The following ERAP1 variants were observed in gnomAD, a reference collection of about 807,000 sequenced individuals.
ERAP1 encodes the protein adipocyte-derived leucine aminopeptidase.
In ERAP1, 86 loss-of-function variants were observed where a neutral mutation model predicts 103.7. The ratio of observed to expected loss-of-function variants is 0.83; its 90% CI spans 0.70 to 0.99. ERAP1 has a LOEUF of 0.99. Ranked by LOEUF, ERAP1 falls within the 50% of genes least tolerant of loss-of-function variation. The probability of loss-of-function intolerance (pLI) is 0.00; values close to 1 mark genes in which losing one functional copy is unlikely to be tolerated. For missense variants in ERAP1, 1,009 were observed against 1,128.4 expected, an observed-to-expected ratio of 0.89 and a Z score of 1.52; for synonymous variants, 398 against 402.4, an observed-to-expected ratio of 0.99 and a Z score of 0.13.
the ERAP1 span, among the ~76,000 whole-genome samples, chr5:96,929,969 T>TA: frequency 6.6e-6 from 1 of 152,112 alleles, no homozygotes; most frequent in Non-Finnish European, 1.5e-5. Context: ...TCCTGTAAAC[T>TA]AAAAATAAAA....
the ERAP1 span, among the ~76,000 whole-genome samples, chr5:96,838,300 A>T: frequency 3.2e-4 from 49 of 152,274 alleles, no homozygotes; most frequent in African/African-American, 1.1e-3. Context: ...CCAGAGCTTC[A>T]GGCTGGGTAC....
chr5:96,865,989 G>A, the ERAP1 span, among the ~76,000 whole-genome samples: 7 of 152,126 alleles, frequency 4.6e-5, no homozygotes, highest in South Asian at 2.1e-4. Context: ...ATACAAGATC[G>A]CTTTTTTCAT....
the ERAP1 span, among the ~76,000 whole-genome samples, chr5:96,842,275 C>T: frequency 0.98 from 149,609 of 152,310 alleles, 73,530 homozygotes; most frequent in Middle Eastern, 1. Context: ...TTTCATATAA[C>T]GACTTACTTT....
the ERAP1 span, among the ~76,000 whole-genome samples, chr5:96,893,715 CT>C: frequency 6.6e-6 from 1 of 152,148 alleles, no homozygotes; most frequent in Non-Finnish European, 1.5e-5. Context: ...ACTTTTTTGT[CT>C]TCCCATTGAT....
At chr5:96,875,120 AG>A in the ERAP1 span, among the ~76,000 whole-genome samples, 1 of 152,340 alleles carries the variant, frequency 6.6e-6, no homozygotes. Flanking sequence ...AGTAACTGCA[AG>A]AAGCTGAGCT....
chr5:96,878,149 T>C, the ERAP1 span, among the ~76,000 whole-genome samples: 1 of 152,198 alleles, frequency 6.6e-6, no homozygotes, highest in Non-Finnish European at 1.5e-5. Context: ...AGAAACTTAG[T>C]TCTATTTACA....
the ERAP1 span, among the ~76,000 whole-genome samples, chr5:96,815,062 T>C: frequency 6.6e-6 from 1 of 152,240 alleles, no homozygotes; most frequent in African/African-American, 2.4e-5. Flanking sequence ...TGATTTTTAT[T>C]ACCTAACTCC....
At chr5:96,921,440 A>G in the ERAP1 span, among the ~76,000 whole-genome samples, 3 of 152,268 alleles carry the variant, frequency 2.0e-5, no homozygotes, top group African/African-American at 7.2e-5. Context: ...GAAAGCTGGC[A>G]GTATAAACAG....
At chr5:96,886,446 G>A in the ERAP1 span, among the ~76,000 whole-genome samples, 2 of 152,156 alleles carry the variant, frequency 1.3e-5, no homozygotes, top group African/African-American at 2.4e-5. Flanking sequence ...TCAAAAGCAG[G>A]GCTTTTTGTT....
At chr5:96,913,695 A>C in the ERAP1 span, among the ~76,000 whole-genome samples, 2 of 152,242 alleles carry the variant, frequency 1.3e-5, no homozygotes, top group African/African-American at 4.8e-5. Flanking sequence ...GCAAGAAACC[A>C]CTGGCATCAA....
the ERAP1 span, among the ~76,000 whole-genome samples, chr5:96,883,269 T>C: frequency 6.6e-6 from 1 of 152,206 alleles, no homozygotes; most frequent in African/African-American, 2.4e-5. Context: ...CCCTTTTCCC[T>C]GTCCTGCTTC....
the ERAP1 span, among the ~76,000 whole-genome samples, chr5:96,898,579 A>AAAC: frequency 6.7e-6 from 1 of 149,814 alleles, no homozygotes; most frequent in Admixed American, 6.6e-5. Flanking sequence ...ATACAAAAAA[A>AAAC]AAAAAAAAAA....
At chr5:96,863,074 T>G in the ERAP1 span, among the ~76,000 whole-genome samples, 2 of 152,174 alleles carry the variant, frequency 1.3e-5, no homozygotes, top group African/African-American at 4.8e-5. Flanking sequence ...TTTCTTCTTT[T>G]GTTAGAAGAT....
the ERAP1 span, among the ~76,000 whole-genome samples, chr5:96,864,178 A>C: frequency 9.2e-5 from 14 of 152,196 alleles, no homozygotes; most frequent in African/African-American, 2.9e-4. Context: ...CACACACACA[A>C]AAAGCTGCTA....
At chr5:96,852,832 G>A in the ERAP1 span, among the ~76,000 whole-genome samples, 2 of 152,148 alleles carry the variant, frequency 1.3e-5, no homozygotes, top group Non-Finnish European at 2.9e-5. Flanking sequence ...CTCTTGGCAG[G>A]GAATTATTAT....
At chr5:96,911,866 C>CAAAAAAAAAAAAAAAAAAAAAAAA in the ERAP1 span, among the ~76,000 whole-genome samples, 1 of 56,612 alleles carries the variant, frequency 1.8e-5, no homozygotes, top group Admixed American at 2.3e-4. Context: ...GACCCTGTCT[C>CAAAAAAAAAAAAAAAAAAAAAAAA]AAAAAAAAAA....
intron 13 of ERAP1, 131 bp downstream of exon 13, chr5:96,785,657 A>G (rs1285321893): frequency 4.3e-6 from 4 of 921,686 alleles, no homozygotes; most frequent in Non-Finnish European, 6.5e-6. Context: ...TTGGGTTGTT[A>G]GAAGAACTTA....
At chr5:96,869,142 T>G in the ERAP1 span, among the ~76,000 whole-genome samples, 1 of 151,252 alleles carries the variant, frequency 6.6e-6, no homozygotes, top group African/African-American at 2.4e-5. Context: ...TGACACTGAT[T>G]GTAATTTAAA....
chr5:96,771,421 G>A (rs1772278214), downstream of ERAP1, among the ~76,000 whole-genome samples: 1 of 152,040 alleles, frequency 6.6e-6, no homozygotes. Context: ...ATAAAGCTGA[G>A]AGTGATACAT....
Sources: allele counts gnomAD v4.1 joint callset (sites outside exome capture counted in the v4.1 genomes callset), GRCh38; gene constraint gnomAD v4.1.1; transcripts MANE v1.5; gene names NCBI Gene and HGNC (gene_info 2026-07-23, HGNC 2026-07-21).